F11R: variants seen among roughly 807,000 people sequenced by gnomAD.
F11R encodes the protein F11 receptor, also known as junctional adhesion molecule A.
F11R carries 27 observed loss-of-function variants against 39.3 expected under a neutral mutation model. The observed-to-expected ratio is 0.69, with a 90% CI of 0.51 to 0.95. The LOEUF (loss-of-function observed/expected upper bound fraction) is 0.95. Among genes scored for constraint, F11R ranks in the 40% least tolerant of loss-of-function variants. The probability of loss-of-function intolerance (pLI) is 0.00; values close to 1 mark genes in which losing one functional copy is unlikely to be tolerated. For missense variants in F11R, 335 were observed against 372.7 expected (o/e 0.90, Z 0.83); for synonymous variants, 131 against 144.9 (o/e 0.90, Z 0.69).
In F11R at chr1:160,996,884, T is replaced by C. The variant is rs1235952890; in HGVS notation, c.*1987A>G. 6.6e-6 allele frequency: 1 copy of C among 152,404 alleles called. No homozygotes were observed. Among genetic ancestry groups the C allele is most frequent in the African/African-American group, 2.4e-5 (1 of 41,476 alleles). 9.4% of individuals were successfully genotyped at this position (152,404 alleles called of 1,614,324 possible). A position where few individuals can be genotyped will look rare whatever the true frequency, so the allele number is the denominator to read the frequency against. On this transcript the variant is annotated 3_prime_UTR_variant, in exon 10 of 10. Transcript: ENST00000368026. ...TTTCTTCTGGAAAATTTATTGTTTATTGGCATGTGACCCTTGACTGATGGC... is the reference window on the plus strand; with the variant it reads ...TTTCTTCTGGAAAATTTATTGTTTACTGGCATGTGACCCTTGACTGATGGC...
chr1:160,999,461 G>A, intron 7 of F11R, 53 bp from the exon 8 acceptor site: 3 of 1,613,600 alleles, frequency 1.9e-6, no homozygotes, highest in Non-Finnish European at 2.5e-6. Flanking sequence ...AGACAGCATG[G>A]CTTGGGAAGA....
intron 7 of F11R, 85 bp from the exon 8 acceptor site, chr1:160,999,493 C>G: frequency 6.3e-7 from 1 of 1,591,854 alleles, no homozygotes. Flanking sequence ...GCCCCCAGCT[C>G]TTGGTGTTAG....
intron 1 of F11R, among the ~76,000 whole-genome samples, chr1:161,010,058 TA>T (rs11443926): frequency 1.8e-3 from 264 of 145,298 alleles, no homozygotes; most frequent in Middle Eastern, 7.0e-3. Context: ...ACTAAACTCT[TA>T]AAAAAAAAAA....
intron 1 of F11R, among the ~76,000 whole-genome samples, chr1:161,017,363 C>G (rs571530494): frequency 2.0e-4 from 30 of 152,282 alleles, no homozygotes; most frequent in African/African-American, 6.5e-4. Context: ...TGGAATGTCT[C>G]GGTATAAAAC....
At chr1:161,020,732 G>A (rs1649712434) in intron 1 of F11R, among the ~76,000 whole-genome samples, 1 of 152,178 alleles carries the variant, frequency 6.6e-6, no homozygotes, top group African/African-American at 2.4e-5. Flanking sequence ...CAGTGAGGAC[G>A]AGGAGTGTAC....
chr1:161,020,609 G>A (rs900469043), intron 1 of F11R, among the ~76,000 whole-genome samples: 1 of 152,228 alleles, frequency 6.6e-6, no homozygotes, highest in Non-Finnish European at 1.5e-5. Flanking sequence ...TGCGCAGCGG[G>A]GTTCGTGGAT....
At position 161,001,340 on chromosome 1, in the gene F11R, C is replaced by T. The variant is rs374316019; in HGVS notation, c.78G>A (p.Leu26=). Residue 26 remains leucine (L), a synonymous_variant, in exon 2 of 10, where the codon TTG becomes TTA. Transcript: ENST00000368026. ...ILAILLCSLA[L]GSVTVHSSEP... Reference sequence around the variant, plus strand: ...CAGAAGAGTGCACTGTAACACTGCCCAATGCCAGGGAGCCTAAGGAGAAAG... The same window carrying T: ...CAGAAGAGTGCACTGTAACACTGCCTAATGCCAGGGAGCCTAAGGAGAAAG... 5.6e-6 allele frequency: 9 copies of T among 1,613,800 alleles called. No homozygotes were observed. In the African/African-American group the frequency reaches 9.3e-5, roughly 17 times the overall value.
chr1:161,002,845 A>C (rs998484466), intron 1 of F11R, among the ~76,000 whole-genome samples: 11 of 152,244 alleles, frequency 7.2e-5, no homozygotes, highest in African/African-American at 2.4e-4. Flanking sequence ...TGATATAATA[A>C]CACTATGAAT....
intron 1 of F11R, among the ~76,000 whole-genome samples, 186 bp downstream of exon 1, chr1:161,020,824 G>C (rs558462085): frequency 1.3e-5 from 2 of 152,312 alleles, no homozygotes; most frequent in East Asian, 3.9e-4. Flanking sequence ...GGGGAGGGGA[G>C]CCAGCCACTC....
Position 160,998,876 on chromosome 1 carries a change from C to A in F11R, c.895G>T (p.Val299Leu), listed in dbSNP as rs1156990366. The change falls in exon 10 of 10, where the codon GTG becomes TTG. Residue 299 changes from valine (V) to leucine (L), a missense_variant. By Grantham distance (32) the Val-to-Leu change is conservative (BLOSUM62 1). Coordinates refer to ENST00000368026, the MANE Select transcript of F11R (RefSeq NM_016946.6). ...AGGCGGTGAGCCGACCAGGCTCACA[C>A]CAGGAATGACGAGGTCTGTTTGAAT... Reference protein sequence around the residue: ...GEFKQTSSFLV With the variant: ...GEFKQTSSFLL The A allele has an allele frequency of 6.2e-7, 1 of 1,614,032 alleles. No homozygotes were observed. The highest frequency in any genetic ancestry group is 1.7e-5 in the Admixed American group (1 of 59,996).
rs371650694 is a variant in F11R, at chr1:161,001,045, G to A, written c.216C>T (p.Leu72=). ...WKFDQGDTTR[L]VCYNNKITAS... ...CTGTGATCTTGTTATTATAGCAAACGAGTCTGGTGGTGTCTCCTTGGTCAA... is the reference window on the plus strand; with the variant it reads ...CTGTGATCTTGTTATTATAGCAAACAAGTCTGGTGGTGTCTCCTTGGTCAA... Residue 72 remains leucine, a synonymous_variant, in exon 3 of 10, where the codon CTC becomes CTT. Coordinates refer to ENST00000368026, the MANE Select transcript of F11R (RefSeq NM_016946.6). 1.4e-5 allele frequency: 23 copies of A among 1,614,100 alleles called. No individual in the cohort carries two copies. The highest frequency in any genetic ancestry group is 6.7e-5 in the African/African-American group (5 of 75,032).
rs370548016 is a variant in F11R at position 161,016,122 on chromosome 1, G to T, written c.64+4888C>A. Among the ~76,000 whole-genome samples, 16 of 152,192 alleles carry T rather than the reference G, an allele frequency of 1.1e-4. No homozygotes were observed. The East Asian group carries it at 2.3e-3, about 22-fold the overall frequency. On this transcript the variant is annotated intron_variant, in intron 1 of 9. Transcript: ENST00000368026. Reference sequence around the variant, plus strand: ...GAAAGCCTAGGCAAGAGGATTACTTGAAGTCAGGAGTTCGAGACCAGCCTG... The same window carrying T: ...GAAAGCCTAGGCAAGAGGATTACTTTAAGTCAGGAGTTCGAGACCAGCCTG...
chr1:161,017,005 C>T (rs1387216536), intron 1 of F11R, among the ~76,000 whole-genome samples: 1 of 152,184 alleles, frequency 6.6e-6, no homozygotes, highest in African/African-American at 2.4e-5. Context: ...CTGTGTCAAA[C>T]TCAGGGTTAA....
chr1:161,002,510 C>G (rs1648554924), intron 1 of F11R: 1 of 152,160 alleles, frequency 6.6e-6, no homozygotes, highest in South Asian at 2.1e-4. Context: ...ATTCTGGGAT[C>G]ACATGATGCA....
chr1:161,018,748 C>T (rs1649593040), intron 1 of F11R, among the ~76,000 whole-genome samples: 1 of 152,130 alleles, frequency 6.6e-6, no homozygotes, highest in African/African-American at 2.4e-5. Flanking sequence ...TCCCCTCCCC[C>T]AACCCAACCC....
chr1:161,004,412 T>C (rs1281485234), intron 1 of F11R, among the ~76,000 whole-genome samples: 3 of 151,888 alleles, frequency 2.0e-5, no homozygotes, highest in Non-Finnish European at 4.4e-5. Flanking sequence ...ATACAAAAAT[T>C]AGCCAGGCGT....
Position 161,014,475 on chromosome 1 carries a change from A to G in F11R, c.64+6535T>C, listed in dbSNP as rs994701813. Among the ~76,000 whole-genome samples the G allele has an allele frequency of 4.6e-5, 7 of 152,306 alleles. No individual in the cohort carries two copies. In the South Asian group the frequency reaches 8.3e-4, roughly 18 times the overall value. Reference sequence around the variant, plus strand: ...ATTCAGCATTTTGAAAGGCCAAGGCAAAAGGATCCCTTAAAGCCAAGAATT... The same window carrying G: ...ATTCAGCATTTTGAAAGGCCAAGGCGAAAGGATCCCTTAAAGCCAAGAATT... On this transcript the variant is annotated intron_variant, in intron 1 of 9. Coordinates refer to ENST00000368026, the MANE Select transcript of F11R (RefSeq NM_016946.6).
intron 5 of F11R, 38 bp from the exon 6 acceptor site, chr1:161,000,016 G>C: frequency 6.2e-7 from 1 of 1,605,932 alleles, no homozygotes. Context: ...TGCTGAAGAA[G>C]CAAAATAGAC....
At chr1:160,999,235 C>T in intron 8 of F11R, 144 bp from the exon 9 acceptor site, 2 of 1,418,960 alleles carry the variant, frequency 1.4e-6, no homozygotes, top group African/African-American at 1.4e-5. Flanking sequence ...ACAGGACAGA[C>T]CCAGGGCCAA....
Sources: gnomAD v4.1 joint callset for allele counts (sites outside exome capture counted in the v4.1 genomes callset) on GRCh38, gnomAD v4.1.1 for gene constraint, MANE v1.5 for transcripts, NCBI Gene and HGNC (gene_info 2026-07-23, HGNC 2026-07-21) for gene names.